Variants in CD47 observed in about 807,000 individuals in gnomAD.
The protein encoded by CD47 is CD47 molecule.
CD47 carries 11 observed loss-of-function variants against 44.6 expected under a neutral mutation model. The observed-to-expected ratio is 0.25, with a 90% CI of 0.16 to 0.41. The LOEUF (loss-of-function observed/expected upper bound fraction) is 0.41, where lower values mean the gene tolerates loss of function less well. Among genes scored for constraint, CD47 ranks in the 10% least tolerant of loss-of-function variants. The pLI is 1.00. For synonymous variants in CD47, 140 were observed against 136.3 expected (o/e 1.03, Z -0.19); for missense variants, 306 against 386.7 (o/e 0.79, Z 1.75).
Position 108,069,125 on chromosome 3 carries a change from T to C in CD47, c.490+1968A>G, listed in dbSNP as rs371747877. Among the ~76,000 whole-genome samples, 6 of 152,310 alleles carry C rather than the reference T, an allele frequency of 3.9e-5. No individual in the cohort carries two copies. In the East Asian group the frequency reaches 1.2e-3, roughly 29 times the overall value. ...AGACAGGTATTCTCATCTGCAATAG[T>C]AGTTGATACAAACGTTTCTGGAAAA... On this transcript the variant is annotated intron_variant, in intron 3 of 10. Coordinates refer to ENST00000361309, the MANE Select transcript of CD47 (RefSeq NM_001777.4).
chr3:108,073,221 T>G (rs2108256505), intron 2 of CD47, among the ~76,000 whole-genome samples: 1 of 152,092 alleles, frequency 6.6e-6, no homozygotes, highest in Middle Eastern at 3.4e-3. Flanking sequence ...CTTTCATTGG[T>G]CCCTGCCCCT....
In CD47 at chr3:108,057,462, A is replaced by C; in HGVS notation, c.877+15T>G. 1 of 1,205,412 alleles carries C rather than the reference A, an allele frequency of 8.3e-7. No homozygotes were observed. Among genetic ancestry groups the C allele is most frequent in the East Asian group, 2.3e-5 (1 of 42,854 alleles). 74.7% of individuals were successfully genotyped at this position (1,205,412 alleles called of 1,614,324 possible). Reference sequence around the variant, plus strand: ...AAATTATTGGCATAGGTTAATGAAAATAAGATTGACTTACCCACAAATTTC... The same window carrying C: ...AAATTATTGGCATAGGTTAATGAAACTAAGATTGACTTACCCACAAATTTC... On this transcript the variant is annotated intron_variant, in intron 7 of 10. Transcript: ENST00000361309.
At chr3:108,054,089 C>A (rs928982627) in intron 7 of CD47, 1 of 152,022 alleles carries the variant, frequency 6.6e-6, no homozygotes, top group Non-Finnish European at 1.5e-5. Flanking sequence ...ATGTATTTAT[C>A]AGAATAAACA....
At chr3:108,078,596 C>CTGAA (rs1423723337) in intron 2 of CD47, among the ~76,000 whole-genome samples, 1 of 151,966 alleles carries the variant, frequency 6.6e-6, no homozygotes, top group East Asian at 1.9e-4. Flanking sequence ...TGATTACACC[C>CTGAA]TTCATTAAAG....
intron 4 of CD47, 111 bp downstream of exon 4, chr3:108,060,634 C>G: frequency 2.9e-6 from 2 of 693,582 alleles, no homozygotes; most frequent in Non-Finnish European, 5.1e-6. Context: ...TTTAAGCCAC[C>G]CAGTTTGTGG....
chr3:108,077,951 T>C (rs1312102630), intron 2 of CD47, among the ~76,000 whole-genome samples: 3 of 152,054 alleles, frequency 2.0e-5, no homozygotes, highest in Admixed American at 2.0e-4. Flanking sequence ...GAGATGTTTG[T>C]TATGATGGAT....
At position 108,049,603 on chromosome 3, in the gene CD47, T is replaced by C; in HGVS notation, c.967+16A>G. On this transcript the variant is annotated intron_variant, in intron 10 of 10. Coordinates refer to ENST00000361309, the MANE Select transcript of CD47 (RefSeq NM_001777.4). ...TTTTAACTGATCTATAATTATTAAG[T>C]GCATTTTATACTTACCATCATTCAT... The C allele has an allele frequency of 6.7e-7, 1 of 1,493,520 alleles. No individual in the cohort carries two copies. Among genetic ancestry groups the C allele is most frequent in the Non-Finnish European group, 9.3e-7 (1 of 1,070,522 alleles). The allele number at this position is 1,493,520 out of a possible 1,614,324, so 92.5% of individuals were successfully genotyped here.
intron 1 of CD47, among the ~76,000 whole-genome samples, chr3:108,085,657 A>AT (rs769470915): frequency 4.6e-5 from 7 of 152,084 alleles, no homozygotes; most frequent in Non-Finnish European, 1.0e-4. Context: ...TGTAATTACT[A>AT]TTTTACTTAA....
At chr3:108,076,528 A>G (rs2079314563) in intron 2 of CD47, among the ~76,000 whole-genome samples, 2 of 152,198 alleles carry the variant, frequency 1.3e-5, no homozygotes, top group Non-Finnish European at 2.9e-5. Flanking sequence ...TTTGATGCCA[A>G]AGAGATCTAG....
rs1262800660 is a variant in CD47, at chr3:108,045,315, T to C, written c.*1973A>G. 1 of 152,638 alleles carries C rather than the reference T, an allele frequency of 6.6e-6. No homozygotes were observed. The highest frequency in any genetic ancestry group is 1.5e-5 in the Non-Finnish European group (1 of 68,032). 9.5% of individuals were successfully genotyped at this position (152,638 alleles called of 1,614,324 possible). On this transcript the variant is annotated 3_prime_UTR_variant, in exon 11 of 11. Coordinates refer to ENST00000361309, the MANE Select transcript of CD47 (RefSeq NM_001777.4). ...CCTTTTCTAATAGGAGCTTGGATCT[T>C]TTTCAAGTCCATCTGCTTTTCCCTC...
chr3:108,082,578 T>G (rs1181363135), intron 1 of CD47, among the ~76,000 whole-genome samples: 1 of 151,972 alleles, frequency 6.6e-6, no homozygotes, highest in African/African-American at 2.4e-5. Context: ...TATATTTGTA[T>G]GAATCATGGT....
At chr3:108,059,595 G>T in intron 4 of CD47, 51 bp from the exon 5 acceptor site, 3 of 907,816 alleles carry the variant, frequency 3.3e-6, no homozygotes, top group Non-Finnish European at 3.3e-6. Flanking sequence ...CTTTTTAAAT[G>T]TACTAATCTA....
chr3:108,058,112 T>A (rs369198737), intron 6 of CD47, among the ~76,000 whole-genome samples: 1 of 152,198 alleles, frequency 6.6e-6, no homozygotes, highest in Non-Finnish European at 1.5e-5. Flanking sequence ...TACAGTCCCG[T>A]AATTGCACTC....
intron 2 of CD47, among the ~76,000 whole-genome samples, chr3:108,078,504 C>T (rs2079353326): frequency 6.6e-6 from 1 of 151,552 alleles, no homozygotes; most frequent in African/African-American, 2.4e-5. Context: ...TTCATTTCCA[C>T]AAAATTGTAC....
chr3:108,050,455 G>T, intron 9 of CD47, 123 bp downstream of exon 9: 1 of 645,494 alleles, frequency 1.5e-6, no homozygotes, highest in Non-Finnish European at 2.8e-6. Flanking sequence ...AGATGCCAAG[G>T]AAAGAAAAAA....
intron 2 of CD47, among the ~76,000 whole-genome samples, chr3:108,078,209 G>C (rs539412546): frequency 1.3e-5 from 2 of 152,162 alleles, no homozygotes; most frequent in South Asian, 4.2e-4. Flanking sequence ...ACCTCTGGTA[G>C]AATTTTCTAC....
At chr3:108,071,530 G>A (rs546795586) in intron 2 of CD47, among the ~76,000 whole-genome samples, 26 of 152,288 alleles carry the variant, frequency 1.7e-4, no homozygotes, top group African/African-American at 4.8e-4. Flanking sequence ...CTATGGAACC[G>A]TGACCACGTG....
At chr3:108,071,221 C>T in intron 2 of CD47, 39 bp from the exon 3 acceptor site, 1 of 926,062 alleles carries the variant, frequency 1.1e-6, no homozygotes, top group Non-Finnish European at 1.7e-6. Flanking sequence ...TTAATATTTA[C>T]TATAACACTT....
intron 10 of CD47, among the ~76,000 whole-genome samples, chr3:108,049,266 C>T (rs2078780776): frequency 6.6e-6 from 1 of 152,150 alleles, no homozygotes; most frequent in South Asian, 2.1e-4. Flanking sequence ...AAAAGAAACT[C>T]TGTCAAAATG....
Sources: allele counts gnomAD v4.1 joint callset (sites outside exome capture counted in the v4.1 genomes callset), GRCh38; gene constraint gnomAD v4.1.1; transcripts MANE v1.5; gene names NCBI Gene and HGNC (gene_info 2026-07-23, HGNC 2026-07-21).